ANKRD31: variants seen among roughly 807,000 people sequenced by gnomAD.
ANKRD31 encodes ankyrin repeat domain 31, also known as ankyrin repeat domain-containing protein 31.
Under a neutral mutation model 186.0 loss-of-function variants are expected in ANKRD31, and 147 were observed. The observed-to-expected ratio is 0.79, with a 90% CI of 0.69 to 0.91. ANKRD31 has a LOEUF of 0.91. Among genes scored for constraint, ANKRD31 ranks in the 40% least tolerant of loss-of-function variants. ANKRD31 has a pLI of 0.00. For synonymous variants in ANKRD31, 673 were observed against 736.4 expected (o/e 0.91, Z 1.39); for missense variants, 1,986 against 2,148.8 (o/e 0.92, Z 1.50).
At chr5:75,232,552 C>T (rs928064199) in intron 1 of ANKRD31, among the ~76,000 whole-genome samples, 2 of 125,122 alleles carry the variant, frequency 1.6e-5, no homozygotes, top group African/African-American at 8.1e-5. Context: ...CTGCACCCAA[C>T]CAAATTTTGT....
At chr5:75,170,197 C>T (rs1321393581) in intron 10 of ANKRD31, among the ~76,000 whole-genome samples, 5 of 151,916 alleles carry the variant, frequency 3.3e-5, no homozygotes, top group African/African-American at 1.2e-4. Flanking sequence ...AATAAATGGA[C>T]TATATGTATT....
At chr5:75,236,525 G>A (rs189219575) in intron 1 of ANKRD31, 58 bp downstream of exon 1, 24 of 1,443,968 alleles carry the variant, frequency 1.7e-5, no homozygotes, top group Middle Eastern at 1.9e-4. Context: ...CCCCCTCAGA[G>A]GGCACCTGGG....
rs189485648 is a variant in ANKRD31 at position 75,139,365 on chromosome 5, T to C, written c.3596-382A>G. On this transcript the variant is annotated intron_variant, in intron 15 of 25. Transcript: ENST00000506364. ...GCCATTCTGTATCTCAATGGGTGTATTCCTGATCACATAGGTGCCAAGTAA... is the reference window on the plus strand; with the variant it reads ...GCCATTCTGTATCTCAATGGGTGTACTCCTGATCACATAGGTGCCAAGTAA... 2.5e-3 allele frequency among the ~76,000 whole-genome samples: 386 copies of C among 152,310 alleles called. 3 individuals are homozygous for C. The highest frequency in any genetic ancestry group is 4.0e-3 in the Non-Finnish European group (270 of 68,020).
Position 75,196,079 on chromosome 5 carries a change from G to A in ANKRD31, c.569C>T (p.Ala190Val). The part of the protein sequence containing the change: ...SLVEPEKILA[A>V]PNTFFEPRKE... ...TCTAGGCTCAAAAAATGTATTTGGT[G>A]CTGCTAAAATCTTCTCTGGCTCTAC... The change falls in exon 7 of 26, where the codon GCA becomes GTA. Residue 190 changes from alanine (A) to valine (V), a missense_variant. Physicochemically the swap from Ala to Val is moderately conservative, Grantham distance 64 (BLOSUM62 0). Coordinates refer to ENST00000506364, the MANE Select transcript of ANKRD31 (RefSeq NM_001372053.1). 1.3e-6 allele frequency: 2 copies of A among 1,536,868 alleles called. No homozygotes were observed. Among genetic ancestry groups the A allele is most frequent in the Non-Finnish European group, 8.7e-7 (1 of 1,146,714 alleles).
chr5:75,191,073 G>A (rs1412238406), intron 9 of ANKRD31, among the ~76,000 whole-genome samples: 1 of 152,022 alleles, frequency 6.6e-6, no homozygotes, highest in Non-Finnish European at 1.5e-5. Context: ...CAGAAACCAA[G>A]AGGATTTAAA....
chr5:75,070,575 A>G (rs1744145574), intron 25 of ANKRD31, among the ~76,000 whole-genome samples: 1 of 152,144 alleles, frequency 6.6e-6, no homozygotes, highest in South Asian at 2.1e-4. Context: ...CTTTTATACT[A>G]CCACCAACAG....
chr5:75,087,933 C>T (rs1264119215), intron 23 of ANKRD31, among the ~76,000 whole-genome samples: 2 of 152,164 alleles, frequency 1.3e-5, no homozygotes, highest in Admixed American at 1.3e-4. Context: ...CTCTATGTAG[C>T]TAGACGCAAG....
intron 15 of ANKRD31, among the ~76,000 whole-genome samples, chr5:75,141,712 A>G (rs2150136413): frequency 6.6e-6 from 1 of 152,010 alleles, no homozygotes; most frequent in East Asian, 1.9e-4. Context: ...CTGGGGTGGG[A>G]GAATCATGTG....
intron 12 of ANKRD31, among the ~76,000 whole-genome samples, chr5:75,149,988 C>T (rs1408642932): frequency 6.6e-6 from 1 of 151,784 alleles, no homozygotes; most frequent in East Asian, 1.9e-4. Context: ...CAACTTAATA[C>T]CCAGGTATAA....
intron 17 of ANKRD31, among the ~76,000 whole-genome samples, chr5:75,119,515 G>C (rs577299658): frequency 6.6e-6 from 1 of 152,140 alleles, no homozygotes; most frequent in East Asian, 1.9e-4. Context: ...GTCACCTTGG[G>C]TGATTTAATG....
At chr5:75,125,677 G>C (rs571823371) in intron 17 of ANKRD31, among the ~76,000 whole-genome samples, 13 of 152,228 alleles carry the variant, frequency 8.5e-5, no homozygotes, top group Admixed American at 5.2e-4. Context: ...TATTAATTTG[G>C]AGAACACAGA....
At chr5:75,211,010 CTATT>C in intron 3 of ANKRD31, 145 bp from the exon 4 acceptor site, 2 of 575,758 alleles carry the variant, frequency 3.5e-6, no homozygotes, top group Non-Finnish European at 5.8e-6. Flanking sequence ...AATTTACTAT[CTATT>C]TACTATCTGT....
chr5:75,121,103 A>G (rs1748736958), intron 17 of ANKRD31, among the ~76,000 whole-genome samples: 2 of 152,024 alleles, frequency 1.3e-5, no homozygotes, highest in African/African-American at 4.8e-5. Flanking sequence ...GAATCACTTG[A>G]ACCTGGGAGG....
chr5:75,224,450 T>A (rs2161371), intron 2 of ANKRD31, among the ~76,000 whole-genome samples: 79,312 of 151,380 alleles, frequency 0.52, 24,597 homozygotes, highest in African/African-American at 0.88. Flanking sequence ...AGAAATAGTC[T>A]AATAGGTCAA....
Position 75,196,028 on chromosome 5 carries a change from G to T in ANKRD31, c.620C>A (p.Ser207Tyr), listed in dbSNP as rs1436242455. The T allele has an allele frequency of 2.0e-6, 3 of 1,534,818 alleles. No homozygotes were observed. The highest frequency in any genetic ancestry group is 2.6e-6 in the Non-Finnish European group (3 of 1,146,078). The change falls in exon 7 of 26, where the codon TCT becomes TAT. Residue 207 changes from serine (S) to tyrosine (Y), a missense_variant. Coordinates refer to ENST00000506364, the MANE Select transcript of ANKRD31 (RefSeq NM_001372053.1). ...PRKEVTMTMT[S>Y]EETKDEESSL... ...GCTTTCTTCATCCTTAGTTTCTTCA[G>T]AAGTCATGGTCATTGTGACTTCCTT...
rs759694374 is a variant in ANKRD31, at chr5:75,143,279, G to A, written c.3595+722C>T. Among the ~76,000 whole-genome samples, 72 of 152,230 alleles carry A rather than the reference G, an allele frequency of 4.7e-4. 1 individual carries two copies. The highest frequency in any genetic ancestry group is 3.4e-3 in the Middle Eastern group (1 of 294). On this transcript the variant is annotated intron_variant, in intron 15 of 25. Transcript: ENST00000506364. ...TAGGGTTCTTAACTTGATTACATAT[G>A]CAAAGAAGGTAATAGGCATGCTTTT...
At chr5:75,231,906 AACACACAC>A (rs56755264) in intron 1 of ANKRD31, among the ~76,000 whole-genome samples, 8,634 of 144,664 alleles carry the variant, frequency 0.06, 289 homozygotes, top group South Asian at 0.15. Flanking sequence ...ACTGTCTCAA[AACACACAC>A]ACACACACAC....
intron 11 of ANKRD31, among the ~76,000 whole-genome samples, chr5:75,162,905 C>T (rs992538058): frequency 6.6e-6 from 1 of 152,116 alleles, no homozygotes; most frequent in Non-Finnish European, 1.5e-5. Flanking sequence ...CTGATATTTT[C>T]ATTTCCAACT....
chr5:75,223,694 C>A (rs1757438783), intron 2 of ANKRD31, among the ~76,000 whole-genome samples: 1 of 152,146 alleles, frequency 6.6e-6, no homozygotes, highest in Non-Finnish European at 1.5e-5. Context: ...GACTGAATGT[C>A]TGTGCACACC....
Sources: gnomAD v4.1 joint callset for allele counts (sites outside exome capture counted in the v4.1 genomes callset) on GRCh38, gnomAD v4.1.1 for gene constraint, MANE v1.5 for transcripts, NCBI Gene and HGNC (gene_info 2026-07-23, HGNC 2026-07-21) for gene names.